PTK2: variants seen among roughly 807,000 people sequenced by gnomAD.
The protein encoded by PTK2 is protein tyrosine kinase 2, also known as focal adhesion kinase 1.
A neutral mutation model predicts 150.1 loss-of-function variants in PTK2; 45 were observed. The observed-to-expected ratio is 0.30, with a 90% CI of 0.24 to 0.38. PTK2 has a LOEUF of 0.38. PTK2 is among the 10% of genes least tolerant of loss of function. PTK2 has a pLI of 1.00. For missense variants in PTK2, 919 were observed against 1,307.3 expected, an observed-to-expected ratio of 0.70 and a Z score of 4.58; for synonymous variants, 432 against 449.2, an observed-to-expected ratio of 0.96 and a Z score of 0.48.
chr8:140,831,255 T>G (rs1311200494), intron 7 of PTK2, among the ~76,000 whole-genome samples: 1 of 152,214 alleles, frequency 6.6e-6, no homozygotes, highest in Non-Finnish European at 1.5e-5. Flanking sequence ...GGTTACTAAC[T>G]TACTCAGATG....
intron 2 of PTK2, among the ~76,000 whole-genome samples, chr8:140,925,135 TA>T (rs1365200076): frequency 6.6e-6 from 1 of 152,154 alleles, no homozygotes; most frequent in African/African-American, 2.4e-5. Flanking sequence ...TTGTCTCTCT[TA>T]AGGAATACCA....
intron 3 of PTK2, among the ~76,000 whole-genome samples, chr8:140,889,434 G>T (rs2100153492): frequency 1.3e-5 from 2 of 151,908 alleles, no homozygotes; most frequent in African/African-American, 4.8e-5. Flanking sequence ...TCGCCATGTT[G>T]GCCAGGCTGC....
At chr8:140,673,824 T>C (rs2100012036) in intron 29 of PTK2, among the ~76,000 whole-genome samples, 1 of 152,182 alleles carries the variant, frequency 6.6e-6, no homozygotes, top group African/African-American at 2.4e-5. Context: ...GGTTTGAGGA[T>C]GGCTCTACTC....
chr8:140,735,886 T>A (rs2100052322), intron 21 of PTK2, among the ~76,000 whole-genome samples: 1 of 152,184 alleles, frequency 6.6e-6, no homozygotes, highest in Non-Finnish European at 1.5e-5. Context: ...TTTGGAAAAC[T>A]CAGATTCCTT....
chr8:140,706,073 C>G (rs907562566), intron 24 of PTK2, 46 bp downstream of exon 27: 12 of 1,476,270 alleles, frequency 8.1e-6, no homozygotes, highest in Non-Finnish European at 1.1e-5. Flanking sequence ...CCCAAAAGCG[C>G]TAAATAATAA....
chr8:140,694,460 C>T (rs1404441516), intron 26 of PTK2, among the ~76,000 whole-genome samples: 2 of 152,090 alleles, frequency 1.3e-5, no homozygotes, highest in Non-Finnish European at 2.9e-5. Flanking sequence ...TTTTATTTTA[C>T]AAGAGTATTG....
At chr8:140,913,259 C>T (rs1157876290) in intron 2 of PTK2, among the ~76,000 whole-genome samples, 1 of 151,328 alleles carries the variant, frequency 6.6e-6, no homozygotes, top group East Asian at 1.9e-4. Context: ...ATAGGACAAT[C>T]TATTTCTATA....
chr8:140,993,211 C>T (rs539797102), intron 1 of PTK2, among the ~76,000 whole-genome samples: 67 of 152,320 alleles, frequency 4.4e-4, no homozygotes, highest in African/African-American at 1.5e-3. Context: ...ACTCCAAGTT[C>T]TTCCCTGGTA....
At chr8:140,976,040 AC>A (rs1269906604) in intron 1 of PTK2, among the ~76,000 whole-genome samples, 2 of 152,346 alleles carry the variant, frequency 1.3e-5, no homozygotes, top group East Asian at 3.9e-4. Context: ...ACATTTGTAT[AC>A]CACTCTACAC....
Position 140,658,583 on chromosome 8 carries a change from T to C in PTK2, c.*883A>G, listed in dbSNP as rs189228510. On this transcript the variant is annotated 3_prime_UTR_variant, in exon 32 of 32. Coordinates refer to ENST00000522684, the Ensembl canonical transcript of PTK2. Reference sequence around the variant, plus strand: ...ATTCCTGTTTTGCTTCATTCTCTCCTGGGAAGACAGATACAAGGAAGGGTT... The same window carrying C: ...ATTCCTGTTTTGCTTCATTCTCTCCCGGGAAGACAGATACAAGGAAGGGTT... The C allele has an allele frequency of 7.9e-4, 158 of 199,582 alleles. 1 individual carries two copies. Among genetic ancestry groups the C allele is most frequent in the African/African-American group, 3.3e-3 (144 of 43,612 alleles). The allele number at this position is 199,582 out of a possible 1,614,324, so 12.4% of individuals were successfully genotyped here. A position where few individuals can be genotyped will look rare whatever the true frequency, so the allele number is the denominator to read the frequency against.
chr8:140,788,660 G>A (rs2100086411), intron 14 of PTK2, among the ~76,000 whole-genome samples: 1 of 152,100 alleles, frequency 6.6e-6, no homozygotes, highest in African/African-American at 2.4e-5. Context: ...CTCCAGCCTG[G>A]GCGACAGAGT....
intron 13 of PTK2, 34 bp downstream of exon 13, chr8:140,793,320 A>C (rs1234315770): frequency 4.4e-6 from 7 of 1,590,274 alleles, no homozygotes; most frequent in Non-Finnish European, 6.0e-6. Context: ...TTTCCAACAA[A>C]ACAAAATAAC....
Position 140,792,663 on chromosome 8 carries a change from T to C in PTK2, c.1124+691A>G, listed in dbSNP as rs117763034. On this transcript the variant is annotated intron_variant, in intron 13 of 31. Transcript: ENST00000522684. ...ATTTAGAACATGGAACTGGAGGAAA[T>C]AGTAAGGGACTGGCTATGGAGAAGA... Among the ~76,000 whole-genome samples the C allele has an allele frequency of 2.0e-3, 309 of 152,148 alleles. 4 individuals carry two copies. The highest frequency in any genetic ancestry group is 2.9e-3 in the Non-Finnish European group (196 of 68,002).
intron 27 of PTK2, among the ~76,000 whole-genome samples, chr8:140,678,278 C>T (rs952681202): frequency 9.8e-5 from 15 of 152,292 alleles, no homozygotes; most frequent in Admixed American, 5.2e-4. Context: ...AAACTCCCGA[C>T]CTCAAGTGAT....
intron 1 of PTK2, among the ~76,000 whole-genome samples, chr8:140,994,855 T>G (rs1200424913): frequency 6.6e-6 from 1 of 152,058 alleles, no homozygotes; most frequent in Admixed American, 6.6e-5. Flanking sequence ...TGGGCCGAAG[T>G]GGGAGGATCA....
intron 1 of PTK2, among the ~76,000 whole-genome samples, chr8:140,939,981 C>T (rs976956950): frequency 2.6e-5 from 4 of 152,174 alleles, no homozygotes; most frequent in Non-Finnish European, 4.4e-5. Context: ...AACAGAAGAA[C>T]AGAGTAGAGC....
chr8:140,659,721 T>C (rs754213478), intron 31 of PTK2, 43 bp from the exon 36 acceptor site: 3 of 1,233,608 alleles, frequency 2.4e-6, no homozygotes, highest in Non-Finnish European at 2.1e-6. Flanking sequence ...TTTCAGTGAT[T>C]TTTTTTTTTC....
At chr8:140,811,172 T>C (rs1190254664) in intron 10 of PTK2, among the ~76,000 whole-genome samples, 3 of 152,182 alleles carry the variant, frequency 2.0e-5, no homozygotes, top group African/African-American at 7.2e-5. Context: ...ACCAGTGGTC[T>C]GGGAGCACCC....
chr8:140,902,924 G>GTTTTTTGTTTTTTTTTTTTT lies in PTK2; in HGVS notation c.-32-12156_-32-12155insAAAAAAAAAAAAACAAAAAA, dbSNP rs2100159140. Among the ~76,000 whole-genome samples, 4 of 58,964 alleles carry GTTTTTTGTTTTTTTTTTTTT rather than the reference G, an allele frequency of 6.8e-5. 1 individual carries two copies. Among genetic ancestry groups the GTTTTTTGTTTTTTTTTTTTT allele is most frequent in the Non-Finnish European group, 1.1e-4 (3 of 26,334 alleles). 38.7% of individuals were successfully genotyped at this position (58,964 alleles called of 152,430 possible). On this transcript the variant is annotated intron_variant, in intron 2 of 31. Coordinates refer to ENST00000522684, the Ensembl canonical transcript of PTK2. ...TTGCCTGTTCACTCTGATGAGAGTT[G>GTTTTTTGTTTTTTTTTTTTT]TTTTTTTTTTTTTTTTTTTTTTTTT...
Sources: allele counts gnomAD v4.1 joint callset (sites outside exome capture counted in the v4.1 genomes callset), GRCh38; gene constraint gnomAD v4.1.1; transcripts MANE v1.5; gene names NCBI Gene and HGNC (gene_info 2026-07-23, HGNC 2026-07-21).